The following SHC3 variants were observed in gnomAD, a reference collection of about 807,000 sequenced individuals.
SHC3 encodes the protein SHC adaptor protein 3.
SHC3 carries 15 observed loss-of-function variants against 60.4 expected under a neutral mutation model. That is an observed-to-expected ratio of 0.25 (90% CI 0.17 to 0.38). The LOEUF (loss-of-function observed/expected upper bound fraction) is 0.38, where lower values mean the gene tolerates loss of function less well. Among genes scored for constraint, SHC3 ranks in the 10% least tolerant of loss-of-function variants. The probability of loss-of-function intolerance (pLI) is 1.00; values close to 1 mark genes in which losing one functional copy is unlikely to be tolerated. For synonymous variants in SHC3, 294 were observed against 325.9 expected (o/e 0.90, Z 1.05); for missense variants, 677 against 786.1 (o/e 0.86, Z 1.66).
intron 8 of SHC3, among the ~76,000 whole-genome samples, chr9:89,046,060 G>A (rs1168690219): frequency 3.0e-5 from 4 of 135,418 alleles, no homozygotes; most frequent in Non-Finnish European, 4.7e-5. Context: ...ATGCCCCCCC[G>A]CTTGTTTTCA....
In SHC3 at chr9:89,038,251, C is replaced by T. The variant is rs1353583545; in HGVS notation, c.1398G>A (p.Gly466=). The change falls in exon 11 of 12, where the codon GGG becomes GGA. Residue 466 remains glycine (G), a synonymous_variant. Coordinates refer to ENST00000375835, the MANE Select transcript of SHC3 (RefSeq NM_016848.6). ...CGGAGGCTGCCTTGCTTAACACGGG[C>T]CCCAAGGGCTGGTTCTTGAGAGCAT... The part of the protein sequence containing the change: ...FEDALKNQPL[G]PVLSKAASVE... The T allele has an allele frequency of 6.2e-7, 1 of 1,613,656 alleles. No homozygotes were observed. Among genetic ancestry groups the T allele is most frequent in the Admixed American group, 1.7e-5 (1 of 59,952 alleles).
rs190707230 is a variant in SHC3, at chr9:89,011,934, A to T, written c.*1513T>A. 1 of 152,422 alleles carries T rather than the reference A, an allele frequency of 6.6e-6. No individual in the cohort carries two copies. The highest frequency in any genetic ancestry group is 2.4e-5 in the African/African-American group (1 of 41,566). The allele number at this position is 152,422 out of a possible 1,614,324, so 9.4% of individuals were successfully genotyped here. On this transcript the variant is annotated 3_prime_UTR_variant, in exon 12 of 12. Transcript: ENST00000375835. Reference sequence around the variant, plus strand: ...CCAAGGCAGAAATGGGGCTCATACCATTGGCATTAGAACTTAGCAGTATTA... The same window carrying T: ...CCAAGGCAGAAATGGGGCTCATACCTTTGGCATTAGAACTTAGCAGTATTA...
chr9:89,046,881 C>A lies in SHC3; in HGVS notation c.1076G>T (p.Arg359Ile), dbSNP rs773277423. ...MPPPGGFLDTRLKPRPHAPDT... is the reference protein window; with the variant it reads ...MPPPGGFLDTILKPRPHAPDT... ...AGGAGCATGGGGTCTGGGTTTCAGT[C>A]TAGTATCAAGAAAGCCCCCTGGAGG... is the stretch of plus-strand genomic sequence containing the variant. Residue 359 changes from arginine (R) to isoleucine (I), a missense_variant, in exon 8 of 12, where the codon AGA becomes ATA. By Grantham distance (97) the Arg-to-Ile change is moderately conservative (BLOSUM62 -3). Transcript: ENST00000375835. The A allele has an allele frequency of 1.9e-6, 3 of 1,609,806 alleles. No individual in the cohort carries two copies. In the Admixed American group the frequency reaches 5.0e-5, roughly 27 times the overall value.
chr9:89,009,635 G>C lies in SHC3; in HGVS notation c.*3812C>G, dbSNP rs1005472670. 1 of 152,300 alleles carries C rather than the reference G, an allele frequency of 6.6e-6. No homozygotes were observed. Among genetic ancestry groups the C allele is most frequent in the East Asian group, 1.9e-4 (1 of 5,198 alleles). The allele number at this position is 152,300 out of a possible 1,614,324, so 9.4% of individuals were successfully genotyped here. On this transcript the variant is annotated 3_prime_UTR_variant, in exon 12 of 12. Coordinates refer to ENST00000375835, the MANE Select transcript of SHC3 (RefSeq NM_016848.6). ...CAGAGAAATCCAGCAACCCGCCTGA[G>C]TCCACGCCGTTCTGGGTGTGCCAGG...
intron 4 of SHC3, among the ~76,000 whole-genome samples, chr9:89,074,516 T>C (rs756231063): frequency 3.9e-5 from 6 of 151,980 alleles, no homozygotes; most frequent in Non-Finnish European, 8.8e-5. Context: ...AAGATAGACA[T>C]TGTGCAGGAA....
intron 1 of SHC3, among the ~76,000 whole-genome samples, chr9:89,118,197 T>C (rs1035828168): frequency 2.6e-5 from 4 of 151,858 alleles, no homozygotes; most frequent in Non-Finnish European, 5.9e-5. Context: ...GAGAGTTTAA[T>C]TTTTTCCATT....
chr9:89,081,882 C>T (rs1461812302), intron 2 of SHC3, among the ~76,000 whole-genome samples: 1 of 152,158 alleles, frequency 6.6e-6, no homozygotes, highest in Non-Finnish European at 1.5e-5. Context: ...GCCTCCTAAC[C>T]TTTCAGCTGC....
At position 89,131,132 on chromosome 9, in the gene SHC3, C is replaced by T. The variant is rs182028329; in HGVS notation, c.475-18506G>A. 1.9e-4 allele frequency among the ~76,000 whole-genome samples: 29 copies of T among 152,276 alleles called. No individual in the cohort carries two copies. The East Asian group carries it at 5.4e-3, about 28-fold the overall frequency. On this transcript the variant is annotated intron_variant, in intron 1 of 11. Coordinates refer to ENST00000375835, the MANE Select transcript of SHC3 (RefSeq NM_016848.6). Reference sequence around the variant, plus strand: ...CCATCAGAGAATACTATAAACACCTCTACTCAAATAAACTAAAAAATCTAG... The same window carrying T: ...CCATCAGAGAATACTATAAACACCTTTACTCAAATAAACTAAAAAATCTAG...
At position 89,127,779 on chromosome 9, in the gene SHC3, AC is replaced by A. The variant is rs199506968; in HGVS notation, c.475-15154del. The stretch of plus-strand genomic sequence containing the variant: ...GAAGGTATGGCAATGTCCCCACTCC[AC>A]CCCCCCCCACCACTGAGAAATAAAA... On this transcript the variant is annotated intron_variant, in intron 1 of 11. Transcript: ENST00000375835. Among the ~76,000 whole-genome samples the A allele has an allele frequency of 1.3e-3, 195 of 144,618 alleles. 2 individuals carry two copies. The East Asian group carries it at 0.016, about 12-fold the overall frequency. 94.9% of individuals were successfully genotyped at this position (144,618 alleles called of 152,430 possible). A position where few individuals can be genotyped will look rare whatever the true frequency, so the allele number is the denominator to read the frequency against.
At chr9:89,041,772 T>C (rs958618168) in intron 10 of SHC3, among the ~76,000 whole-genome samples, 2 of 152,226 alleles carry the variant, frequency 1.3e-5, no homozygotes, top group South Asian at 2.1e-4. Flanking sequence ...ATTGTCTCAA[T>C]ACATTTGCAG....
At chr9:89,090,039 C>T (rs867451188) in intron 2 of SHC3, among the ~76,000 whole-genome samples, 8 of 152,200 alleles carry the variant, frequency 5.3e-5, no homozygotes, top group East Asian at 3.9e-4. Flanking sequence ...GAGCCCTGAG[C>T]GCCAGCATGG....
chr9:89,076,021 A>G (rs1227250237), intron 3 of SHC3, among the ~76,000 whole-genome samples: 11 of 151,872 alleles, frequency 7.2e-5, no homozygotes, highest in Admixed American at 7.2e-4. Context: ...CCAGGTGCAC[A>G]CCCTTTTTAA....
chr9:89,059,942 A>T (rs1825053817), intron 6 of SHC3, among the ~76,000 whole-genome samples: 1 of 141,518 alleles, frequency 7.1e-6, no homozygotes, highest in African/African-American at 2.7e-5. Flanking sequence ...GTGGTGGAGG[A>T]CATAGTGAAG....
At chr9:89,174,100 G>A (rs1360742291) in intron 1 of SHC3, among the ~76,000 whole-genome samples, 1 of 152,040 alleles carries the variant, frequency 6.6e-6, no homozygotes, top group Non-Finnish European at 1.5e-5. Flanking sequence ...AAAGAATACA[G>A]CTCTGAGAAA....
intron 9 of SHC3, among the ~76,000 whole-genome samples, chr9:89,042,975 G>A (rs1824712039): frequency 6.6e-6 from 1 of 152,154 alleles, no homozygotes; most frequent in African/African-American, 2.4e-5. Flanking sequence ...CTAGTTGCCG[G>A]AGAACGCCTG....
chr9:89,140,334 T>G (rs1197720391), intron 1 of SHC3, among the ~76,000 whole-genome samples: 1 of 144,272 alleles, frequency 6.9e-6, no homozygotes, highest in African/African-American at 2.5e-5. Flanking sequence ...GGCAAACAGA[T>G]TCCCCCCCCC....
chr9:89,050,354 C>T (rs535267559), intron 7 of SHC3, among the ~76,000 whole-genome samples: 4 of 152,328 alleles, frequency 2.6e-5, no homozygotes, highest in African/African-American at 9.6e-5. Context: ...AGCACAATCT[C>T]AGCTTACTGC....
At chr9:89,052,203 C>T (rs548341317) in intron 6 of SHC3, 40 bp from the exon 7 acceptor site, 2 of 1,609,106 alleles carry the variant, frequency 1.2e-6, no homozygotes, top group Non-Finnish European at 1.7e-6. Context: ...GAGACAGACA[C>T]TGGTGCTACC....
intron 1 of SHC3, among the ~76,000 whole-genome samples, chr9:89,150,909 TACCCTAAAGGGTATA>T (rs1378570624): frequency 6.6e-6 from 1 of 152,240 alleles, no homozygotes; most frequent in East Asian, 1.9e-4. Flanking sequence ...TTTTTTGTTA[TACCCTAAAGGGTATA>T]AAGTGGCATT....
Sources: allele counts gnomAD v4.1 joint callset (sites outside exome capture counted in the v4.1 genomes callset), GRCh38; gene constraint gnomAD v4.1.1; transcripts MANE v1.5; gene names NCBI Gene and HGNC (gene_info 2026-07-23, HGNC 2026-07-21).